Variants in BPIFB6 observed in about 807,000 individuals in gnomAD.
BPIFB6 encodes BPI fold containing family B member 6.
Under a neutral mutation model 54.7 loss-of-function variants are expected in BPIFB6, and 47 were observed. The observed-to-expected ratio is 0.86, with a 90% CI of 0.68 to 1.10. The LOEUF (loss-of-function observed/expected upper bound fraction) is 1.10. Among genes scored for constraint, BPIFB6 ranks in the 50% least tolerant of loss-of-function variants. BPIFB6 has a pLI of 0.00. For synonymous variants in BPIFB6, 255 were observed against 225.9 expected, an observed-to-expected ratio of 1.13 and a Z score of -1.16; for missense variants, 603 against 564.1, an observed-to-expected ratio of 1.07 and a Z score of -0.70.
chr20:33,039,242 C>T lies in BPIFB6; in HGVS notation c.901-105C>T, dbSNP rs147127140. The T allele has an allele frequency of 7.2e-4, 865 of 1,199,694 alleles. 8 individuals carry two copies. The South Asian group carries it at 7.3e-3, about 10-fold the overall frequency. The allele number at this position is 1,199,694 out of a possible 1,614,324, so 74.3% of individuals were successfully genotyped here. On this transcript the variant is annotated intron_variant, in intron 9 of 14. Transcript: ENST00000349552. ...ATCCTGGCCTTTGCATGTTGTACTT[C>T]CTGTGTCCAACGTAGAAATCACCTA...
intron 11 of BPIFB6, 39 bp from the exon 12 acceptor site, chr20:33,041,931 T>C: frequency 6.2e-7 from 1 of 1,605,954 alleles, no homozygotes; most frequent in Non-Finnish European, 8.5e-7. Flanking sequence ...GACCGTTCTT[T>C]CCCCTCCCCG....
intron 8 of BPIFB6, 24 bp downstream of exon 8, chr20:33,037,762 C>T (rs763596760): frequency 1.2e-6 from 2 of 1,610,682 alleles, no homozygotes; most frequent in East Asian, 4.5e-5. Flanking sequence ...TTCCCCATTT[C>T]CATCTGCCTC....
chr20:33,042,900 G>A (rs1979650164), intron 13 of BPIFB6, 22 bp downstream of exon 13: 4 of 1,610,926 alleles, frequency 2.5e-6, no homozygotes, highest in African/African-American at 1.3e-5. Flanking sequence ...AAAAGGCTTT[G>A]GACCATGGTG....
In BPIFB6 at chr20:33,031,759, G is replaced by T. The variant is rs1246591739; in HGVS notation, c.97+15G>T. The T allele has an allele frequency of 5.6e-6, 9 of 1,613,212 alleles. No homozygotes were observed. Among genetic ancestry groups the T allele is most frequent in the Non-Finnish European group, 7.6e-6 (9 of 1,179,360 alleles). ...CATCATGAACCGTGGTGAGCTTGTG[G>T]GCCCGGGCGTGCAGCTGGGAGGCGG... is the stretch of plus-strand genomic sequence containing the variant. On this transcript the variant is annotated intron_variant, in intron 1 of 14. Coordinates refer to ENST00000349552, the MANE Select transcript of BPIFB6 (RefSeq NM_174897.2).
chr20:33,036,385 G>A, intron 6 of BPIFB6, 60 bp from the exon 7 acceptor site: 1 of 1,451,060 alleles, frequency 6.9e-7, no homozygotes, highest in Non-Finnish European at 9.4e-7. Context: ...GCTGGTGCCA[G>A]CTTCTCTGGG....
rs747457836 is a variant in BPIFB6 at position 33,034,270 on chromosome 20, C to G, written c.282C>G (p.Gly94=). The G allele has an allele frequency of 1.9e-6, 3 of 1,613,576 alleles. No individual in the cohort carries two copies. The highest frequency in any genetic ancestry group is 2.5e-6 in the Non-Finnish European group (3 of 1,179,466). The change falls in exon 3 of 15, where the codon GGC becomes GGG. Residue 94 remains glycine, a synonymous_variant. Transcript: ENST00000349552. ...GVGIFQCVST[G]MTVTGKSFMG... ...GCATCTTCCAATGTGTGTCCACAGGCATGACCGTCACTGGCAAGAGGTGAG... is the reference window on the plus strand; with the variant it reads ...GCATCTTCCAATGTGTGTCCACAGGGATGACCGTCACTGGCAAGAGGTGAG...
In BPIFB6 at chr20:33,043,434, C is replaced by G. The variant is rs570193975; in HGVS notation, c.1329+67C>G. 1,052 of 1,446,826 alleles carry G rather than the reference C, an allele frequency of 7.3e-4. 3 individuals carry two copies. Among genetic ancestry groups the G allele is most frequent in the Middle Eastern group, 1.8e-3 (9 of 5,036 alleles). 89.6% of individuals were successfully genotyped at this position (1,446,826 alleles called of 1,614,324 possible). On this transcript the variant is annotated intron_variant, in intron 14 of 14. Transcript: ENST00000349552. ...TCAGCCAGTGAGTGATGAGCAAGAGCCTACCTCTCTCAAACTGGAAAGGGT... is the reference window on the plus strand; with the variant it reads ...TCAGCCAGTGAGTGATGAGCAAGAGGCTACCTCTCTCAAACTGGAAAGGGT...
At chr20:33,039,161 T>C (rs1979468648) in intron 9 of BPIFB6, among the ~76,000 whole-genome samples, 186 bp from the exon 10 acceptor site, 1 of 152,254 alleles carries the variant, frequency 6.6e-6, no homozygotes, top group African/African-American at 2.4e-5. Flanking sequence ...GTACTTTCTG[T>C]CCAATAGAGA....
intron 3 of BPIFB6, 103 bp downstream of exon 3, chr20:33,034,393 T>A: frequency 1.2e-6 from 1 of 848,686 alleles, no homozygotes; most frequent in African/African-American, 1.6e-5. Context: ...CTGAGTGTTG[T>A]AATCTGGGAT....
At chr20:33,039,224 C>T in intron 9 of BPIFB6, 123 bp from the exon 10 acceptor site, 1 of 1,050,948 alleles carries the variant, frequency 9.5e-7, no homozygotes, top group Non-Finnish European at 1.4e-6. Flanking sequence ...CACATCCTGG[C>T]CTTTGCATGT....
rs1198370581 is a variant in BPIFB6, at chr20:33,036,644, G to A, written c.669+108G>A. 2.8e-6 allele frequency: 3 copies of A among 1,077,478 alleles called. No homozygotes were observed. The East Asian group carries it at 7.1e-5, about 26-fold the overall frequency. The allele number at this position is 1,077,478 out of a possible 1,614,324, so 66.7% of individuals were successfully genotyped here. A position where few individuals can be genotyped will look rare whatever the true frequency, so the allele number is the denominator to read the frequency against. On this transcript the variant is annotated intron_variant, in intron 7 of 14. Transcript: ENST00000349552. ...GCTGGACTAGGGCTGTGGAGGGAGGGAGGCCCCTCAAGCCGTGGAGGCCAA... is the reference window on the plus strand; with the variant it reads ...GCTGGACTAGGGCTGTGGAGGGAGGAAGGCCCCTCAAGCCGTGGAGGCCAA...
At chr20:33,041,932 C>T (rs1339606098) in intron 11 of BPIFB6, 38 bp from the exon 12 acceptor site, 4 of 1,606,038 alleles carry the variant, frequency 2.5e-6, no homozygotes, top group Admixed American at 1.7e-5. Flanking sequence ...ACCGTTCTTT[C>T]CCCTCCCCGC....
rs983156112 is a variant in BPIFB6, at chr20:33,035,611, G to C, written c.517-1G>C. ...CAGCCCAGTGCCTTCTCTGCTTCCA[G>C]ATGTGTCCCGCCATCGATGCAGTCC... On this transcript the variant is annotated splice_acceptor_variant, in intron 5 of 14. Coordinates refer to ENST00000349552, the MANE Select transcript of BPIFB6 (RefSeq NM_174897.2). LOFTEE classifies it high-confidence loss of function. The C allele has an allele frequency of 1.2e-6, 2 of 1,614,076 alleles. No individual in the cohort carries two copies. Among genetic ancestry groups the C allele is most frequent in the African/African-American group, 2.7e-5 (2 of 74,914 alleles).
chr20:33,041,262 T>A (rs1196458713), intron 11 of BPIFB6, among the ~76,000 whole-genome samples: 1 of 152,174 alleles, frequency 6.6e-6, no homozygotes, highest in Admixed American at 6.5e-5. Flanking sequence ...GTGCTGGGAT[T>A]ACAGGCATGA....
chr20:33,035,515 C>T, intron 5 of BPIFB6, 97 bp from the exon 6 acceptor site: 1 of 1,300,736 alleles, frequency 7.7e-7, no homozygotes, highest in Non-Finnish European at 1.1e-6. Context: ...GTCCCTGTCC[C>T]ACCAGGGCTC....
chr20:33,039,929 G>T (rs532629257), intron 10 of BPIFB6, among the ~76,000 whole-genome samples: 1 of 152,216 alleles, frequency 6.6e-6, no homozygotes, highest in Non-Finnish European at 1.5e-5. Context: ...TTACCAGGGA[G>T]ACTGGGGACA....
chr20:33,039,069 T>C, intron 9 of BPIFB6, 107 bp downstream of exon 9: 3 of 1,289,972 alleles, frequency 2.3e-6, no homozygotes, highest in Non-Finnish European at 2.2e-6. Flanking sequence ...CACATATTCC[T>C]TGTCCAATGC....
rs1488986695 is a variant in BPIFB6, at chr20:33,038,954, A to G, written c.892A>G (p.Ile298Val). The stretch of plus-strand genomic sequence containing the variant: ...AACCACCAAGACCCTGGCTCGCTTC[A>G]TTCCTGAAGTGAGTGCCCCACCTCC... ...PQTTKTLARF[I>V]PEVAVAYPKS... The change falls in exon 9 of 15, where the codon ATT becomes GTT. Residue 298 changes from isoleucine to valine, a missense_variant. Transcript: ENST00000349552. The G allele has an allele frequency of 1.2e-6, 2 of 1,613,880 alleles. No individual in the cohort carries two copies. Among genetic ancestry groups the G allele is most frequent in the Non-Finnish European group, 1.7e-6 (2 of 1,179,956 alleles).
intron 1 of BPIFB6, among the ~76,000 whole-genome samples, chr20:33,032,038 G>T (rs562436160): frequency 6.6e-6 from 1 of 152,282 alleles, no homozygotes; most frequent in African/African-American, 2.4e-5. Flanking sequence ...GTGGGCTGTG[G>T]GAGTGACAGA....
Sources: allele counts gnomAD v4.1 joint callset (sites outside exome capture counted in the v4.1 genomes callset), GRCh38; gene constraint gnomAD v4.1.1; transcripts MANE v1.5; gene names NCBI Gene and HGNC (gene_info 2026-07-23, HGNC 2026-07-21).